The following ESCO1 variants were observed in gnomAD, a reference collection of about 807,000 sequenced individuals.
ESCO1 encodes N-acetyltransferase ESCO1.
ESCO1 carries 33 observed loss-of-function variants against 83.5 expected under a neutral mutation model. That is an observed-to-expected ratio of 0.40 (90% CI 0.30 to 0.53). The LOEUF is 0.53. Among genes scored for constraint, ESCO1 ranks in the 20% least tolerant of loss-of-function variants. The pLI is 0.63. For missense variants in ESCO1, 855 were observed against 968.0 expected (o/e 0.88, Z 1.55); for synonymous variants, 332 against 324.3 (o/e 1.02, Z -0.25).
At chr18:21,572,420 C>A (rs2038353343) in intron 4 of ESCO1, among the ~76,000 whole-genome samples, 1 of 152,088 alleles carries the variant, frequency 6.6e-6, no homozygotes, top group Non-Finnish European at 1.5e-5. Flanking sequence ...CTTAGGTAAT[C>A]AAAATTTATT....
chr18:21,548,255 G>C (rs954243621), intron 8 of ESCO1, among the ~76,000 whole-genome samples: 1 of 152,232 alleles, frequency 6.6e-6, no homozygotes, highest in Non-Finnish European at 1.5e-5. Flanking sequence ...CACTTTGGGA[G>C]GCCAAGGCAG....
chr18:21,576,610 AC>A (rs1294783327), intron 2 of ESCO1, among the ~76,000 whole-genome samples: 1 of 152,250 alleles, frequency 6.6e-6, no homozygotes, highest in Non-Finnish European at 1.5e-5. Context: ...ACAGAGAAGG[AC>A]AAATAATTGA....
intron 8 of ESCO1, among the ~76,000 whole-genome samples, chr18:21,549,923 C>T (rs567199850): frequency 7.2e-4 from 108 of 150,774 alleles, no homozygotes; most frequent in African/African-American, 2.6e-3. Flanking sequence ...GCCAAGATCA[C>T]GCCACTGCAC....
intron 2 of ESCO1, among the ~76,000 whole-genome samples, chr18:21,577,095 C>G (rs56019306): frequency 0.31 from 47,479 of 151,432 alleles, 10,140 homozygotes; most frequent in African/African-American, 0.57. Context: ...TGGCTCAGGC[C>G]TGTAATCCCA....
rs1307203213 is a variant in ESCO1 at position 21,600,604 on chromosome 18, G to C, written c.-825+19C>G. The C allele has an allele frequency of 1.3e-5, 2 of 152,392 alleles. No individual in the cohort carries two copies. The allele number at this position is 152,392 out of a possible 1,614,324, so 9.4% of individuals were successfully genotyped here. On this transcript the variant is annotated intron_variant, in intron 1 of 11. Coordinates refer to ENST00000269214, the MANE Select transcript of ESCO1 (RefSeq NM_052911.3). ...GGTGAAGACACAGGCGGCGGGGACCGTCAGGGACGCTCGCGTACCTTCCTT... is the reference window on the plus strand; with the variant it reads ...GGTGAAGACACAGGCGGCGGGGACCCTCAGGGACGCTCGCGTACCTTCCTT...
chr18:21,580,547 G>A (rs1218512997), intron 2 of ESCO1, among the ~76,000 whole-genome samples: 1 of 152,022 alleles, frequency 6.6e-6, no homozygotes, highest in Non-Finnish European at 1.5e-5. Context: ...AAGAGAATGT[G>A]CACCAAAAAA....
At chr18:21,590,775 A>G (rs2847126) in intron 1 of ESCO1, among the ~76,000 whole-genome samples, 151,570 of 151,656 alleles carry the variant, frequency 1, 75,742 homozygotes, top group Middle Eastern at 1. Flanking sequence ...TGAAGAAACC[A>G]TCTCTACTAA....
rs1345063345 is a variant in ESCO1, at chr18:21,579,785, C to A, written c.-693-4008G>T. On this transcript the variant is annotated intron_variant, in intron 2 of 11. Coordinates refer to ENST00000269214, the MANE Select transcript of ESCO1 (RefSeq NM_052911.3). ...AGCGAGATTCTGACACACACACACA[C>A]GCGCGCGCGCACACACACACACACA... 2.7e-4 allele frequency among the ~76,000 whole-genome samples: 6 copies of A among 22,524 alleles called. 1 individual carries two copies. The highest frequency in any genetic ancestry group is 7.8e-4 in the Non-Finnish European group (5 of 6,378). The allele number at this position is 22,524 out of a possible 152,430, so 14.8% of individuals were successfully genotyped here.
intron 1 of ESCO1, among the ~76,000 whole-genome samples, chr18:21,592,645 C>G (rs1484252100): frequency 6.9e-6 from 1 of 145,172 alleles, no homozygotes; most frequent in Non-Finnish European, 1.5e-5. Context: ...GCTGGCCTGG[C>G]GCGGGCTGAC....
At chr18:21,559,502 G>A (rs904195245) in intron 8 of ESCO1, among the ~76,000 whole-genome samples, 2 of 152,202 alleles carry the variant, frequency 1.3e-5, no homozygotes, top group African/African-American at 2.4e-5. Context: ...TCCTTAAGGT[G>A]AAGAATTAAG....
In ESCO1 at chr18:21,567,898, T is replaced by C. The variant is rs191386104; in HGVS notation, c.1645+82A>G. The C allele has an allele frequency of 8.3e-6, 8 of 965,904 alleles. No individual in the cohort carries two copies. In the Admixed American group the frequency reaches 1.5e-4, roughly 19 times the overall value. The allele number at this position is 965,904 out of a possible 1,614,324, so 59.8% of individuals were successfully genotyped here. ...GGTTAAAAAGAATTTAACAACCCTA[T>C]TTGGTATATAACATTTTCTGTAATA... On this transcript the variant is annotated intron_variant, in intron 5 of 11. Coordinates refer to ENST00000269214, the MANE Select transcript of ESCO1 (RefSeq NM_052911.3).
At chr18:21,590,853 C>G (rs2038656130) in intron 1 of ESCO1, among the ~76,000 whole-genome samples, 1 of 151,128 alleles carries the variant, frequency 6.6e-6, no homozygotes, top group Non-Finnish European at 1.5e-5. Context: ...GAGGCTGAGG[C>G]AGAACTGCTT....
chr18:21,567,723 C>G (rs2038281635), intron 5 of ESCO1, among the ~76,000 whole-genome samples: 1 of 152,052 alleles, frequency 6.6e-6, no homozygotes. Flanking sequence ...GAAAGTAAGT[C>G]ACAAATAAAA....
In ESCO1 at chr18:21,529,344, A is replaced by G. The variant is rs2037737830; in HGVS notation, c.*999T>C. 1 of 152,618 alleles carries G rather than the reference A, an allele frequency of 6.6e-6. No homozygotes were observed. The highest frequency in any genetic ancestry group is 1.5e-5 in the Non-Finnish European group (1 of 68,032). The allele number at this position is 152,618 out of a possible 1,614,324, so 9.5% of individuals were successfully genotyped here. ...AAGTATTTTATTATTTTTATTCTAC[A>G]TTATATACAGGTCATAAAAGGCCAC... is the stretch of plus-strand genomic sequence containing the variant. On this transcript the variant is annotated 3_prime_UTR_variant, in exon 12 of 12. Transcript: ENST00000269214.
At chr18:21,592,017 CAGA>C (rs942954171) in intron 1 of ESCO1, among the ~76,000 whole-genome samples, 4 of 151,904 alleles carry the variant, frequency 2.6e-5, no homozygotes, top group Non-Finnish European at 5.9e-5. Context: ...GATCCCAAGG[CAGA>C]AGAATTTTTC....
Position 21,598,602 on chromosome 18 carries a change from C to T in ESCO1, c.-825+2021G>A, listed in dbSNP as rs187330361. On this transcript the variant is annotated intron_variant, in intron 1 of 11. Coordinates refer to ENST00000269214, the MANE Select transcript of ESCO1 (RefSeq NM_052911.3). ...CTGTAATCCCAGCTACTCGGGAGGCCGAGGCAGGAGAATCACTTGAACCCA... is the reference window on the plus strand; with the variant it reads ...CTGTAATCCCAGCTACTCGGGAGGCTGAGGCAGGAGAATCACTTGAACCCA... 2.5e-4 allele frequency among the ~76,000 whole-genome samples: 38 copies of T among 151,752 alleles called. No individual in the cohort carries two copies. The East Asian group carries it at 7.0e-3, about 28-fold the overall frequency.
chr18:21,546,202 C>A (rs142406678), intron 8 of ESCO1, among the ~76,000 whole-genome samples: 3 of 152,096 alleles, frequency 2.0e-5, no homozygotes, highest in Non-Finnish European at 2.9e-5. Flanking sequence ...AGCTGCCCTG[C>A]TTTGGGCAAA....
intron 1 of ESCO1, among the ~76,000 whole-genome samples, chr18:21,599,813 T>C (rs1277349962): frequency 6.6e-6 from 1 of 151,884 alleles, no homozygotes; most frequent in African/African-American, 2.4e-5. Context: ...GGAGAGGAGG[T>C]AGTCTTCGAA....
At chr18:21,541,532 G>A (rs1288486313) in intron 8 of ESCO1, among the ~76,000 whole-genome samples, 1 of 148,546 alleles carries the variant, frequency 6.7e-6, no homozygotes, top group Non-Finnish European at 1.5e-5. Flanking sequence ...GGTGGAGGTT[G>A]CAGTGAGCTG....
Sources: gnomAD v4.1 joint callset for allele counts (sites outside exome capture counted in the v4.1 genomes callset) on GRCh38, gnomAD v4.1.1 for gene constraint, MANE v1.5 for transcripts, NCBI Gene and HGNC (gene_info 2026-07-23, HGNC 2026-07-21) for gene names.